The following C10orf105 variants were observed in gnomAD, a reference collection of about 807,000 sequenced individuals.
The protein encoded by C10orf105 is uncharacterized protein C10orf105.
C10orf105 carries 2 observed loss-of-function variants against 0.6 expected under a neutral mutation model. The ratio of observed to expected loss-of-function variants is 3.18; its 90% CI spans 1.30 to 10.01. C10orf105 has a LOEUF of 10.01. Among genes scored for constraint, C10orf105 ranks in the 30% most tolerant of loss-of-function variants. C10orf105 has a pLI of 0.04. For synonymous variants in C10orf105, 95 were observed against 82.4 expected (o/e 1.15, Z -0.83); for missense variants, 209 against 191.4 (o/e 1.09, Z -0.54).
At chr10:71,727,327 G>A (rs1449632363) in intron 1 of C10orf105, among the ~76,000 whole-genome samples, 1 of 152,180 alleles carries the variant, frequency 6.6e-6, no homozygotes, top group Admixed American at 6.5e-5. Context: ...CCTCTTCAAA[G>A]CCCAGTCAGA....
intron 1 of C10orf105, among the ~76,000 whole-genome samples, chr10:71,718,455 G>A (rs531495986): frequency 6.6e-6 from 1 of 152,214 alleles, no homozygotes; most frequent in South Asian, 2.1e-4. Flanking sequence ...AGCTGCCCAG[G>A]GCCTCCGCCT....
intron 1 of C10orf105, among the ~76,000 whole-genome samples, chr10:71,718,440 C>G (rs746573917): frequency 2.6e-5 from 4 of 152,220 alleles, no homozygotes; most frequent in African/African-American, 9.6e-5. Context: ...GTGTGATGCC[C>G]GTCTAGCTGC....
rs2166631 is a variant in C10orf105, at chr10:71,713,125, C to A, written c.*2811G>T. Reference sequence around the variant, plus strand: ...TTTCAGAGTAGCGGGGAGAAAGAGACGTCACAATTTCCCGGAAAGGAGTTG... The same window carrying A: ...TTTCAGAGTAGCGGGGAGAAAGAGAAGTCACAATTTCCCGGAAAGGAGTTG... On this transcript the variant is annotated 3_prime_UTR_variant, in exon 2 of 2. Transcript: ENST00000441508. The A allele has an allele frequency of 7.7e-6, 6 of 776,044 alleles. No homozygotes were observed. The highest frequency in any genetic ancestry group is 1.4e-5 in the Non-Finnish European group (6 of 416,280). The allele number at this position is 776,044 out of a possible 1,614,324, so 48.1% of individuals were successfully genotyped here. A position where few individuals can be genotyped will look rare whatever the true frequency, so the allele number is the denominator to read the frequency against.
rs1340452805 is a variant in C10orf105, at chr10:71,715,829, G to C, written c.*107C>G. ...CTTCGGGGGGTGAGTGTGTGTCCCA[G>C]ACTGCTTGGGCCACTGTCTTCCTGC... On this transcript the variant is annotated 3_prime_UTR_variant, in exon 2 of 2. Transcript: ENST00000441508. 2 of 1,160,234 alleles carry C rather than the reference G, an allele frequency of 1.7e-6. No individual in the cohort carries two copies. Among genetic ancestry groups the C allele is most frequent in the East Asian group, 5.9e-5 (2 of 34,034 alleles). 71.9% of individuals were successfully genotyped at this position (1,160,234 alleles called of 1,614,324 possible). A position where few individuals can be genotyped will look rare whatever the true frequency, so the allele number is the denominator to read the frequency against.
intron 1 of C10orf105, chr10:71,734,335 C>T (rs757130237): frequency 6.2e-7 from 1 of 1,607,404 alleles, no homozygotes; most frequent in Non-Finnish European, 8.5e-7. Context: ...AGGTGGACTC[C>T]ACCGTGGTGA....
intron 1 of C10orf105, chr10:71,734,721 C>G: frequency 9.1e-7 from 1 of 1,099,410 alleles, no homozygotes; most frequent in Non-Finnish European, 1.3e-6. Context: ...TGGCCGGGCT[C>G]TGCCTGGCCC....
chr10:71,715,374 G>A lies in C10orf105; in HGVS notation c.*562C>T, dbSNP rs1445841584. The A allele has an allele frequency of 6.6e-6, 1 of 152,312 alleles. No homozygotes were observed. Among genetic ancestry groups the A allele is most frequent in the Non-Finnish European group, 1.5e-5 (1 of 68,128 alleles). The allele number at this position is 152,312 out of a possible 1,614,324, so 9.4% of individuals were successfully genotyped here. The stretch of plus-strand genomic sequence containing the variant: ...CACCCAGGCATCTGTTCCACCAGGA[G>A]GGAGGCAGCTGCTCCCACAGGGCAC... On this transcript the variant is annotated 3_prime_UTR_variant, in exon 2 of 2. Coordinates refer to ENST00000441508, the MANE Select transcript of C10orf105 (RefSeq NM_001164375.3).
At chr10:71,720,468 CT>C (rs995045674), upstream of C10orf105, among the ~76,000 whole-genome samples, 3 of 150,946 alleles carry the variant, frequency 2.0e-5, no homozygotes, top group African/African-American at 7.4e-5. Context: ...CCCCAGCCTT[CT>C]TTCTCCCCAG....
At chr10:71,729,607 A>C (rs1220697370) in intron 1 of C10orf105, among the ~76,000 whole-genome samples, 1 of 152,102 alleles carries the variant, frequency 6.6e-6, no homozygotes, top group East Asian at 1.9e-4. Context: ...TTCCCCAAAG[A>C]GCCTTAGGGG....
chr10:71,734,384 G>A (rs142273885), intron 1 of C10orf105: 61 of 1,559,370 alleles, frequency 3.9e-5, no homozygotes, highest in Non-Finnish European at 5.0e-5. Flanking sequence ...GCGGCCCATC[G>A]CTGGCCATGA....
intron 1 of C10orf105, among the ~76,000 whole-genome samples, chr10:71,729,163 G>A (rs553893388): frequency 1.5e-4 from 23 of 152,290 alleles, no homozygotes; most frequent in African/African-American, 4.1e-4. Flanking sequence ...ACTGTATTAC[G>A]TTCATGATGT....
At chr10:71,727,676 C>T (rs11817208) in intron 1 of C10orf105, among the ~76,000 whole-genome samples, 7 of 152,178 alleles carry the variant, frequency 4.6e-5, no homozygotes, top group East Asian at 1.9e-4. Context: ...CACACACACA[C>T]GCACATATGC....
In C10orf105 at chr10:71,711,943, G is replaced by A. The variant is rs1242525912; in HGVS notation, c.*3993C>T. On this transcript the variant is annotated 3_prime_UTR_variant, in exon 2 of 2. Coordinates refer to ENST00000441508, the MANE Select transcript of C10orf105 (RefSeq NM_001164375.3). ...TGTATCTGCATCCTAAATTTGCCAC[G>A]ACAAACTACCACAAACTTAAAACAG... 6.6e-6 allele frequency: 1 copy of A among 152,158 alleles called. No homozygotes were observed. Among genetic ancestry groups the A allele is most frequent in the African/African-American group, 2.4e-5 (1 of 41,434 alleles). 9.4% of individuals were successfully genotyped at this position (152,158 alleles called of 1,614,324 possible). A position where few individuals can be genotyped will look rare whatever the true frequency, so the allele number is the denominator to read the frequency against.
In C10orf105 at chr10:71,712,915, G is replaced by C; in HGVS notation, c.*3021C>G. On this transcript the variant is annotated 3_prime_UTR_variant, in exon 2 of 2. Transcript: ENST00000441508. The stretch of plus-strand genomic sequence containing the variant: ...TCAGTGGCACCAGAGGCGGAAGCAG[G>C]TGGGGGCCCAGGGTGGGTCCGCTGC... 1 of 1,407,702 alleles carries C rather than the reference G, an allele frequency of 7.1e-7. No homozygotes were observed. The highest frequency in any genetic ancestry group is 9.8e-7 in the Non-Finnish European group (1 of 1,017,460). 87.2% of individuals were successfully genotyped at this position (1,407,702 alleles called of 1,614,324 possible).
At chr10:71,724,093 C>G, upstream of C10orf105, 1 of 1,558,658 alleles carries the variant, frequency 6.4e-7, no homozygotes, top group Non-Finnish European at 8.7e-7. Context: ...TGTGTGGTAC[C>G]GCATCCTCCA....
chr10:71,718,821 C>T (rs1281922505), intron 1 of C10orf105, among the ~76,000 whole-genome samples: 1 of 151,986 alleles, frequency 6.6e-6, no homozygotes, highest in Non-Finnish European at 1.5e-5. Context: ...AATCCCAGCA[C>T]TTTGGGAGGC....
Position 71,716,259 on chromosome 10 carries a change from C to A in C10orf105, c.79G>T (p.Gly27Trp). 6.5e-7 allele frequency: 1 copy of A among 1,542,232 alleles called. No homozygotes were observed. Among genetic ancestry groups the A allele is most frequent in the Non-Finnish European group, 8.8e-7 (1 of 1,141,390 alleles). ...LAFLSAPVTP[G>W]TLAEATDPLP... is the part of the protein sequence containing the mutation. ...GGGTCAGTTGCCTCTGCAAGGGTCC[C>A]GGGAGTGACGGGAGCTGAGAGAAAG... The change falls in exon 2 of 2, where the codon GGG becomes TGG. Residue 27 changes from glycine (G) to tryptophan (W), a missense_variant. Physicochemically the swap from Gly to Trp is radical, Grantham distance 184. Coordinates refer to ENST00000441508, the MANE Select transcript of C10orf105 (RefSeq NM_001164375.3).
At chr10:71,730,182 G>T (rs565041329) in intron 1 of C10orf105, among the ~76,000 whole-genome samples, 58 of 152,250 alleles carry the variant, frequency 3.8e-4, no homozygotes, top group Non-Finnish European at 7.4e-4. Context: ...GAAACTGGGG[G>T]CCCCAAAGAG....
intron 1 of C10orf105, among the ~76,000 whole-genome samples, chr10:71,734,969 G>C (rs1839516569): frequency 6.6e-6 from 1 of 152,252 alleles, no homozygotes; most frequent in Non-Finnish European, 1.5e-5. Flanking sequence ...CGATGGCTGT[G>C]TGACACAGGC....
Sources: gnomAD v4.1 joint callset for allele counts (sites outside exome capture counted in the v4.1 genomes callset) on GRCh38, gnomAD v4.1.1 for gene constraint, MANE v1.5 for transcripts, NCBI Gene and HGNC (gene_info 2026-07-23, HGNC 2026-07-21) for gene names.